Variants in SPAG16 observed in about 807,000 individuals in gnomAD.
SPAG16 encodes sperm-associated antigen 16 protein.
In SPAG16, 86 loss-of-function variants were observed where a neutral mutation model predicts 80.4. That is an observed-to-expected ratio of 1.07 (90% CI 0.90 to 1.28). The LOEUF (loss-of-function observed/expected upper bound fraction) is 1.28. SPAG16 is among the 50% of genes most tolerant of loss of function. The pLI is 0.00. For missense variants in SPAG16, 870 were observed against 765.3 expected (o/e 1.14, Z -1.61); for synonymous variants, 294 against 265.9 (o/e 1.11, Z -1.03).
chr2:214,314,309 G>C (rs77693136), intron 15 of SPAG16, among the ~76,000 whole-genome samples: 1 of 152,138 alleles, frequency 6.6e-6, no homozygotes, highest in Non-Finnish European at 1.5e-5. Context: ...TAAAACTTAT[G>C]GATGACAATT....
chr2:213,690,948 G>T (rs1203054034), intron 10 of SPAG16, among the ~76,000 whole-genome samples: 1 of 152,050 alleles, frequency 6.6e-6, no homozygotes, highest in Non-Finnish European at 1.5e-5. Flanking sequence ...CATATAGATA[G>T]ATACAGATAT....
At chr2:213,762,934 T>C (rs1397339972) in intron 10 of SPAG16, among the ~76,000 whole-genome samples, 6 of 152,070 alleles carry the variant, frequency 3.9e-5, no homozygotes. Context: ...TACAACTCAA[T>C]AGTTAAAAAA....
At chr2:213,366,879 C>T (rs1475028617) in intron 8 of SPAG16, among the ~76,000 whole-genome samples, 1 of 151,948 alleles carries the variant, frequency 6.6e-6, no homozygotes, top group Non-Finnish European at 1.5e-5. Context: ...TATTGGTGTG[C>T]TGCACCCATT....
intron 9 of SPAG16, among the ~76,000 whole-genome samples, chr2:213,407,645 C>T (rs1464145025): frequency 1.4e-5 from 1 of 71,130 alleles, no homozygotes; most frequent in Non-Finnish European, 2.9e-5. Flanking sequence ...GAGAGACAGA[C>T]AGACAGGAGA....
At chr2:213,649,199 T>C (rs1440764940) in intron 10 of SPAG16, among the ~76,000 whole-genome samples, 1 of 152,154 alleles carries the variant, frequency 6.6e-6, no homozygotes, top group African/African-American at 2.4e-5. Flanking sequence ...TTTTGAATAA[T>C]GAATTTTGTG....
At chr2:214,164,619 A>G (rs1296099102) in intron 15 of SPAG16, among the ~76,000 whole-genome samples, 1 of 152,172 alleles carries the variant, frequency 6.6e-6, no homozygotes, top group Non-Finnish European at 1.5e-5. Context: ...AGAAATAATT[A>G]TAAGTTAGCT....
At chr2:213,694,092 G>A (rs1276524204) in intron 10 of SPAG16, among the ~76,000 whole-genome samples, 3 of 151,396 alleles carry the variant, frequency 2.0e-5, no homozygotes, top group Non-Finnish European at 4.4e-5. Flanking sequence ...GCGAAGAAAA[G>A]ACATGGACTC....
chr2:213,949,437 G>A (rs2079637410), intron 12 of SPAG16, among the ~76,000 whole-genome samples: 1 of 151,984 alleles, frequency 6.6e-6, no homozygotes, highest in Admixed American at 6.6e-5. Flanking sequence ...AAAGTGCTGG[G>A]ATTACAGGCA....
intron 13 of SPAG16, among the ~76,000 whole-genome samples, chr2:214,063,393 TG>T (rs2050377539): frequency 6.6e-6 from 1 of 152,198 alleles, no homozygotes; most frequent in Admixed American, 6.5e-5. Context: ...AAGATCAAGG[TG>T]CTGGTGAAGG....
At position 213,905,390 on chromosome 2, in the gene SPAG16, G is replaced by A. The variant is rs536307155; in HGVS notation, c.1215-24570G>A. On this transcript the variant is annotated intron_variant, in intron 11 of 15. Transcript: ENST00000331683. ...TACCATGTTATGAAATAAAGCTTCT[G>A]TAAGAAAATATTCAAATTAAATGTC... Among the ~76,000 whole-genome samples, 7 of 152,292 alleles carry A rather than the reference G, an allele frequency of 4.6e-5. No individual in the cohort carries two copies. The South Asian group carries it at 1.4e-3, about 32-fold the overall frequency.
At chr2:213,830,865 C>T (rs912885567) in intron 10 of SPAG16, among the ~76,000 whole-genome samples, 8 of 151,798 alleles carry the variant, frequency 5.3e-5, no homozygotes, top group African/African-American at 1.7e-4. Context: ...ATTTGTCTTT[C>T]GGGACATTTG....
chr2:213,392,894 C>T (rs1236691939), intron 9 of SPAG16, among the ~76,000 whole-genome samples: 3 of 151,094 alleles, frequency 2.0e-5, no homozygotes, highest in Non-Finnish European at 4.4e-5. Context: ...TGAAATAATT[C>T]ATTTAAACAT....
intron 13 of SPAG16, among the ~76,000 whole-genome samples, chr2:214,049,901 TAAAA>T (rs1244525707): frequency 6.6e-6 from 1 of 152,104 alleles, no homozygotes; most frequent in East Asian, 1.9e-4. Flanking sequence ...ATTTGAAAAA[TAAAA>T]AAGAGATATA....
rs148836859 is a variant in SPAG16 at position 213,584,981 on chromosome 2, G to C, written c.1070+94891G>C. Among the ~76,000 whole-genome samples, 697 of 152,124 alleles carry C rather than the reference G, an allele frequency of 4.6e-3. 4 individuals are homozygous for C. Among genetic ancestry groups the C allele is most frequent in the African/African-American group, 0.015 (615 of 41,520 alleles). On this transcript the variant is annotated intron_variant, in intron 10 of 15. Coordinates refer to ENST00000331683, the MANE Select transcript of SPAG16 (RefSeq NM_024532.5). Reference sequence around the variant, plus strand: ...AGGTGGGTAGATCACCTGAGGTTAGGAGTTCAAGATCAGCCTGGCCAACAT... The same window carrying C: ...AGGTGGGTAGATCACCTGAGGTTAGCAGTTCAAGATCAGCCTGGCCAACAT...
chr2:214,373,667 G>A (rs1574436152), intron 15 of SPAG16, among the ~76,000 whole-genome samples: 1 of 152,262 alleles, frequency 6.6e-6, no homozygotes, highest in East Asian at 1.9e-4. Context: ...AGATGATTTT[G>A]CTGATGGGAG....
At chr2:213,439,231 G>C (rs1302994133) in intron 9 of SPAG16, among the ~76,000 whole-genome samples, 1 of 152,144 alleles carries the variant, frequency 6.6e-6, no homozygotes, top group African/African-American at 2.4e-5. Flanking sequence ...ACATAAAATT[G>C]ACATAGACTG....
intron 15 of SPAG16, among the ~76,000 whole-genome samples, chr2:214,198,567 C>T (rs1369731699): frequency 6.6e-6 from 1 of 152,010 alleles, no homozygotes; most frequent in Non-Finnish European, 1.5e-5. Flanking sequence ...ACATGTGTGT[C>T]CACGTATCTT....
intron 15 of SPAG16, among the ~76,000 whole-genome samples, chr2:214,399,544 G>C (rs1481260960): frequency 6.6e-6 from 1 of 151,976 alleles, no homozygotes; most frequent in Non-Finnish European, 1.5e-5. Context: ...AATGAAGTTA[G>C]TTCTGACACC....
intron 13 of SPAG16, among the ~76,000 whole-genome samples, chr2:214,069,142 C>T (rs2050668755): frequency 6.6e-6 from 1 of 152,082 alleles, no homozygotes; most frequent in African/African-American, 2.4e-5. Flanking sequence ...AGATAAAATG[C>T]AAAATCTTTG....
Sources: allele counts gnomAD v4.1 joint callset (sites outside exome capture counted in the v4.1 genomes callset), GRCh38; gene constraint gnomAD v4.1.1; transcripts MANE v1.5; gene names NCBI Gene and HGNC (gene_info 2026-07-23, HGNC 2026-07-21).